The following RELN variants were observed in gnomAD, a reference collection of about 807,000 sequenced individuals.
The protein encoded by RELN is reelin.
A neutral mutation model predicts 427.6 loss-of-function variants in RELN; 108 were observed. The ratio of observed to expected loss-of-function variants is 0.25; its 90% CI spans 0.22 to 0.30. The LOEUF (loss-of-function observed/expected upper bound fraction) is 0.30. Among genes scored for constraint, RELN ranks in the 10% least tolerant of loss-of-function variants. The probability of loss-of-function intolerance (pLI) is 1.00; values close to 1 mark genes in which losing one functional copy is unlikely to be tolerated. For synonymous variants in RELN, 1,524 were observed against 1,513.4 expected (o/e 1.01, Z -0.16); for missense variants, 3,715 against 4,302.8 (o/e 0.86, Z 3.82).
At chr7:103,752,939 CA>C (rs1791042826) in intron 5 of RELN, among the ~76,000 whole-genome samples, 2 of 152,094 alleles carry the variant, frequency 1.3e-5, no homozygotes, top group African/African-American at 4.8e-5. Flanking sequence ...AATAGGATCT[CA>C]GGGCTGAGGG....
At chr7:103,589,875 C>A in intron 27 of RELN, 47 bp from the exon 28 acceptor site, 4 of 1,149,350 alleles carry the variant, frequency 3.5e-6, no homozygotes, top group Non-Finnish European at 5.3e-6. Flanking sequence ...GGTTCTAAGT[C>A]ATCACTCAAC....
intron 49 of RELN, among the ~76,000 whole-genome samples, chr7:103,515,857 T>G (rs773600025): frequency 4.6e-5 from 7 of 152,190 alleles, no homozygotes; most frequent in Non-Finnish European, 1.0e-4. Flanking sequence ...TCACTCTGTT[T>G]CCATGAGTGC....
In RELN at chr7:103,620,467, C is replaced by T. The variant is rs74300467; in HGVS notation, c.2703-8664G>A. 0.045 allele frequency among the ~76,000 whole-genome samples: 6,013 copies of T among 132,552 alleles called. 166 individuals carry two copies. Among genetic ancestry groups the T allele is most frequent in the East Asian group, 0.16 (728 of 4,566 alleles). The allele number at this position is 132,552 out of a possible 152,430, so 87.0% of individuals were successfully genotyped here. On this transcript the variant is annotated intron_variant, in intron 20 of 64. Coordinates refer to ENST00000428762, the MANE Select transcript of RELN (RefSeq NM_005045.4). This position sits in a 1 kb window ranked among gnomAD's most constrained non-coding sequence, Gnocchi z 4.1. ...CGATTTTGGTTGAAGATAACTCACCCGATCCACATTTTTTTTTTTTTTTTG... is the reference window on the plus strand; with the variant it reads ...CGATTTTGGTTGAAGATAACTCACCTGATCCACATTTTTTTTTTTTTTTTG...
intron 1 of RELN, among the ~76,000 whole-genome samples, chr7:103,923,759 T>C (rs999626191): frequency 6.6e-6 from 1 of 152,112 alleles, no homozygotes; most frequent in Admixed American, 6.6e-5. Context: ...TTGCTAAATG[T>C]ACCATAGCCA....
intron 11 of RELN, among the ~76,000 whole-genome samples, chr7:103,666,823 C>T (rs2115594596): frequency 6.6e-6 from 1 of 151,956 alleles, no homozygotes; most frequent in East Asian, 1.9e-4. Context: ...TTTTTTCACA[C>T]TTGAATCAAT....
intron 1 of RELN, among the ~76,000 whole-genome samples, chr7:103,964,624 T>A (rs1266050688): frequency 6.6e-6 from 1 of 152,206 alleles, no homozygotes; most frequent in African/African-American, 2.4e-5. Context: ...ATGACAAACT[T>A]TTATTTGCTT....
chr7:103,920,020 A>C (rs912936056), intron 1 of RELN, among the ~76,000 whole-genome samples: 6 of 152,180 alleles, frequency 3.9e-5, no homozygotes, highest in African/African-American at 1.4e-4. Flanking sequence ...TATTTAAAAT[A>C]AACAAGCTCT....
rs114775917 is a variant in RELN at position 103,984,772 on chromosome 7, G to A, written c.226+4359C>T. 6.3e-3 allele frequency among the ~76,000 whole-genome samples: 961 copies of A among 152,252 alleles called. 11 individuals are homozygous for A. The highest frequency in any genetic ancestry group is 0.021 in the African/African-American group (891 of 41,550). The stretch of plus-strand genomic sequence containing the variant: ...ATGATTTTGAAAGTTTAAATACACT[G>A]ATTCCAGAATCAGACATATGAAGGA... On this transcript the variant is annotated intron_variant, in intron 1 of 64. Transcript: ENST00000428762.
At chr7:103,486,511 T>G (rs190821009) in intron 60 of RELN, 95 bp from the exon 61 acceptor site, 537 of 963,810 alleles carry the variant, frequency 5.6e-4, no homozygotes, top group Non-Finnish European at 7.6e-4. Context: ...AAGTAGTTGT[T>G]ACTGTAAGAA....
intron 28 of RELN, among the ~76,000 whole-genome samples, chr7:103,576,967 C>A (rs1831018386): frequency 6.6e-6 from 1 of 152,208 alleles, no homozygotes; most frequent in Non-Finnish European, 1.5e-5. Context: ...CACACACACA[C>A]ACATATGTAC....
intron 4 of RELN, among the ~76,000 whole-genome samples, chr7:103,767,754 T>G (rs1218300239): frequency 6.6e-6 from 1 of 152,198 alleles, no homozygotes; most frequent in Non-Finnish European, 1.5e-5. Context: ...TAAAATCACT[T>G]ACTGACATTT....
At chr7:103,772,310 T>C (rs977534244) in intron 4 of RELN, among the ~76,000 whole-genome samples, 4 of 125,448 alleles carry the variant, frequency 3.2e-5, no homozygotes, top group African/African-American at 1.4e-4. Context: ...TAAATAGTTG[T>C]CAAATGAATG....
At chr7:103,583,827 C>T (rs951990816) in intron 28 of RELN, among the ~76,000 whole-genome samples, 13 of 152,120 alleles carry the variant, frequency 8.5e-5, no homozygotes, top group Non-Finnish European at 1.6e-4. Flanking sequence ...TGCTGCAATC[C>T]GAGCTGTGGG....
intron 8 of RELN, among the ~76,000 whole-genome samples, chr7:103,707,825 T>A (rs575203786): frequency 5.9e-4 from 90 of 152,276 alleles, no homozygotes; most frequent in African/African-American, 2.1e-3. Context: ...TTACAAAAAT[T>A]TGGCCTCTCA....
chr7:103,585,510 T>C lies in RELN; in HGVS notation c.4145+4086A>G, dbSNP rs76236501. 7.8e-4 allele frequency among the ~76,000 whole-genome samples: 119 copies of C among 152,010 alleles called. No homozygotes were observed. The East Asian group carries it at 0.018, about 23-fold the overall frequency. ...CTCCCAAGCATTAACTAGGAAGAAATAGAAATTGTGAACATGCCAATAATA... is the reference window on the plus strand; with the variant it reads ...CTCCCAAGCATTAACTAGGAAGAAACAGAAATTGTGAACATGCCAATAATA... On this transcript the variant is annotated intron_variant, in intron 28 of 64. Coordinates refer to ENST00000428762, the MANE Select transcript of RELN (RefSeq NM_005045.4).
chr7:103,769,945 C>T (rs1791522456), intron 4 of RELN, among the ~76,000 whole-genome samples: 2 of 152,170 alleles, frequency 1.3e-5, no homozygotes, highest in Non-Finnish European at 2.9e-5. Flanking sequence ...CTAGTCTGCC[C>T]TCATGGTAGA....
chr7:103,583,735 C>T (rs1247515931), intron 28 of RELN, among the ~76,000 whole-genome samples: 1 of 152,190 alleles, frequency 6.6e-6, no homozygotes, highest in Non-Finnish European at 1.5e-5. Flanking sequence ...AAGTAGCCAG[C>T]ATGGCTGAGA....
chr7:103,810,408 C>A (rs1238807220), intron 3 of RELN, among the ~76,000 whole-genome samples: 3 of 152,188 alleles, frequency 2.0e-5, no homozygotes, highest in Non-Finnish European at 4.4e-5. Context: ...TAACAATCAT[C>A]ACGACCTAAA....
At chr7:103,682,064 T>C (rs1227147248) in intron 11 of RELN, 52 bp downstream of exon 11, 2 of 1,547,592 alleles carry the variant, frequency 1.3e-6, no homozygotes, top group Admixed American at 1.7e-5. Flanking sequence ...ACACGTCCAG[T>C]AGAATAAATG....
Sources: allele counts gnomAD v4.1 joint callset (sites outside exome capture counted in the v4.1 genomes callset), GRCh38; gene constraint gnomAD v4.1.1; non-coding constraint Gnocchi (gnomAD v3.1); transcripts MANE v1.5; gene names NCBI Gene and HGNC (gene_info 2026-07-23, HGNC 2026-07-21).